Variants in DRAP1 observed in about 807,000 individuals in gnomAD.
DRAP1 encodes dr1-associated corepressor.
DRAP1 carries 10 observed loss-of-function variants against 24.1 expected under a neutral mutation model. The ratio of observed to expected loss-of-function variants is 0.41; its 90% CI spans 0.26 to 0.70. The LOEUF (loss-of-function observed/expected upper bound fraction) is 0.70. Ranked by LOEUF, DRAP1 falls within the 30% of genes least tolerant of loss-of-function variation. The pLI is 0.29. For missense variants in DRAP1, 264 were observed against 275.6 expected (o/e 0.96, Z 0.30); for synonymous variants, 122 against 113.8 (o/e 1.07, Z -0.46).
At position 65,919,863 on chromosome 11, in the gene DRAP1, G is replaced by A. The variant is rs975956187; in HGVS notation, c.115+11G>A. 2 of 1,612,998 alleles carry A rather than the reference G, an allele frequency of 1.2e-6. No individual in the cohort carries two copies. Among genetic ancestry groups the A allele is most frequent in the Non-Finnish European group, 1.7e-6 (2 of 1,179,944 alleles). ...TGCCTGTCATCATCTGTATCCTGCC[G>A]GGGGCGGACCGGGTCGAGGGGCGTG... On this transcript the variant is annotated intron_variant, in intron 2 of 6. Transcript: ENST00000312515.
Position 65,921,439 on chromosome 11 carries a change from C to T in DRAP1, c.*4C>T, listed in dbSNP as rs918175982. ...CGAAGAAGATTACGACTCCTAGCGC[C>T]TTCTGCCCCCCAGACCATAGCCCCT... On this transcript the variant is annotated 3_prime_UTR_variant, in exon 7 of 7. Coordinates refer to ENST00000312515, the MANE Select transcript of DRAP1 (RefSeq NM_006442.4). 1.9e-6 allele frequency: 3 copies of T among 1,557,256 alleles called. No homozygotes were observed. The highest frequency in any genetic ancestry group is 1.8e-6 in the Non-Finnish European group (2 of 1,129,060).
chr11:65,920,590 C>CG lies in DRAP1; in HGVS notation c.353dup (p.Arg119ProfsTer25), dbSNP rs1565298348. The CG allele has an allele frequency of 6.3e-7, 1 of 1,582,130 alleles. No homozygotes were observed. The highest frequency in any genetic ancestry group is 8.6e-7 in the Non-Finnish European group (1 of 1,164,082). ...AAAGGGGCCGGAAGCCAGGCAGCGG[C>CG]GGCCGGAAGAACGGTGGGATGGGAA... is the stretch of plus-strand genomic sequence containing the variant. On this transcript the variant is annotated frameshift_variant, in exon 5 of 7. Transcript: ENST00000312515. LOFTEE classifies it high-confidence loss of function.
rs900723306 is a variant in DRAP1 at position 65,920,163 on chromosome 11, A to G, written c.209+122A>G. 1.5e-5 allele frequency: 21 copies of G among 1,427,476 alleles called. No individual in the cohort carries two copies. In the East Asian group the frequency reaches 4.6e-4, roughly 32 times the overall value. 88.4% of individuals were successfully genotyped at this position (1,427,476 alleles called of 1,614,324 possible). On this transcript the variant is annotated intron_variant, in intron 3 of 6. Coordinates refer to ENST00000312515, the MANE Select transcript of DRAP1 (RefSeq NM_006442.4). ...AGCCGGGACACCAGCAAGGCCACAGACTGGCAGAGGAGAGGCTGGGCTTCC... is the reference window on the plus strand; with the variant it reads ...AGCCGGGACACCAGCAAGGCCACAGGCTGGCAGAGGAGAGGCTGGGCTTCC...
At chr11:65,921,030 C>T in intron 6 of DRAP1, 58 bp downstream of exon 6, 4 of 1,336,658 alleles carry the variant, frequency 3.0e-6, no homozygotes, top group Non-Finnish European at 2.1e-6. Context: ...CAACTTACCC[C>T]TCTTGTTCTC....
intron 5 of DRAP1, 63 bp downstream of exon 5, chr11:65,920,725 C>G: frequency 6.9e-7 from 1 of 1,456,116 alleles, no homozygotes. Flanking sequence ...TCGCCCCAGG[C>G]TGAACTGGCA....
Position 65,919,562 on chromosome 11 carries a change from C to T in DRAP1, c.42+19C>T. The T allele has an allele frequency of 6.5e-7, 1 of 1,548,356 alleles. No individual in the cohort carries two copies. ...CCCGCCGGTGAGCACGTGGCAGAGC[C>T]CGGCAGGAGTGGGCCCGGCTCCCGG... On this transcript the variant is annotated intron_variant, in intron 1 of 6. Transcript: ENST00000312515.
At chr11:65,920,826 C>A in intron 5 of DRAP1, 58 bp from the exon 6 acceptor site, 1 of 1,541,336 alleles carries the variant, frequency 6.5e-7, no homozygotes, top group Non-Finnish European at 8.8e-7. Flanking sequence ...GTCCCTGCCA[C>A]TCCCAGTGAT....
chr11:65,919,654 GCC>G (rs959114306), intron 1 of DRAP1, 111 bp downstream of exon 1: 4 of 1,499,714 alleles, frequency 2.7e-6, no homozygotes, highest in Non-Finnish European at 3.6e-6. Flanking sequence ...TGGACGCCCC[GCC>G]CCCTCCATGC....
At position 65,919,942 on chromosome 11, in the gene DRAP1, C is replaced by T. The variant is rs767699448; in HGVS notation, c.116-6C>T. The T allele has an allele frequency of 5.0e-6, 8 of 1,613,766 alleles. No individual in the cohort carries two copies. The highest frequency in any genetic ancestry group is 3.3e-5 in the South Asian group (3 of 91,078). On this transcript the variant is annotated splice_region_variant and splice_polypyrimidine_tract_variant and intron_variant, in intron 2 of 6. Transcript: ENST00000312515. ...CTGCCCCGGAGTTCTCCTTGACGCT[C>T]CTCAGCCCGGGCGCTCGAGCTCTTC...
At chr11:65,920,168 C>A in intron 3 of DRAP1, 127 bp downstream of exon 3, 2 of 1,420,488 alleles carry the variant, frequency 1.4e-6, no homozygotes, top group Non-Finnish European at 1.9e-6. Context: ...CACAGACTGG[C>A]AGAGGAGAGG....
At position 65,920,572 on chromosome 11, in the gene DRAP1, C is replaced by T. The variant is rs1854535965; in HGVS notation, c.333C>T (p.Gly111=). 6.3e-7 allele frequency: 1 copy of T among 1,595,580 alleles called. No homozygotes were observed. The highest frequency in any genetic ancestry group is 1.1e-5 in the South Asian group (1 of 88,924). ...GATGGACTGTACCTTCCCAAAGGGG[C>T]CGGAAGCCAGGCAGCGGCGGCCGGA... ...HMDGDKGARR[G]RKPGSGGRKN... The change falls in exon 5 of 7, where the codon GGC becomes GGT. Residue 111 remains glycine, a synonymous_variant. Transcript: ENST00000312515.
At chr11:65,919,721 C>G in intron 1 of DRAP1, 59 bp from the exon 2 acceptor site, 8 of 1,606,556 alleles carry the variant, frequency 5.0e-6, no homozygotes, top group Admixed American at 1.7e-5. Context: ...CCTTCCTCCC[C>G]CAGCACCCCC....
chr11:65,921,093 T>G, intron 6 of DRAP1, 121 bp downstream of exon 6: 1 of 779,968 alleles, frequency 1.3e-6, no homozygotes, highest in Non-Finnish European at 2.0e-6. Flanking sequence ...GGAAGGAGAA[T>G]AACTGAGGAG....
chr11:65,919,920 C>A, intron 2 of DRAP1, 28 bp from the exon 3 acceptor site: 1 of 1,613,636 alleles, frequency 6.2e-7, no homozygotes. Flanking sequence ...CCCTCTCCTG[C>A]CCCGGAGTTC....
At position 65,921,452 on chromosome 11, in the gene DRAP1, G is replaced by A; in HGVS notation, c.*17G>A. 1 of 1,382,634 alleles carries A rather than the reference G, an allele frequency of 7.2e-7. No individual in the cohort carries two copies. The highest frequency in any genetic ancestry group is 1.0e-6 in the Non-Finnish European group (1 of 971,210). The allele number at this position is 1,382,634 out of a possible 1,614,324, so 85.6% of individuals were successfully genotyped here. A position where few individuals can be genotyped will look rare whatever the true frequency, so the allele number is the denominator to read the frequency against. The stretch of plus-strand genomic sequence containing the variant: ...GACTCCTAGCGCCTTCTGCCCCCCA[G>A]ACCATAGCCCCTTTTAGTTGGTTTT... On this transcript the variant is annotated 3_prime_UTR_variant, in exon 7 of 7. Transcript: ENST00000312515.
chr11:65,920,079 G>A (rs1854529054), intron 3 of DRAP1, 38 bp downstream of exon 3: 1 of 1,601,568 alleles, frequency 6.2e-7, no homozygotes, highest in Non-Finnish European at 8.5e-7. Context: ...GGCGGGTTTG[G>A]CGCGGGGAGT....
rs768415811 is a variant in DRAP1, at chr11:65,921,022, A to G, written c.512+50A>G. Reference sequence around the variant, plus strand: ...GGTGCTGGCAGACTCCCCAGAGCCAACTTACCCCTCTTGTTCTCCCTGGCC... The same window carrying G: ...GGTGCTGGCAGACTCCCCAGAGCCAGCTTACCCCTCTTGTTCTCCCTGGCC... On this transcript the variant is annotated intron_variant, in intron 6 of 6. Transcript: ENST00000312515. 7.1e-6 allele frequency: 10 copies of G among 1,415,872 alleles called. No homozygotes were observed. The Admixed American group carries it at 8.8e-5, about 13-fold the overall frequency. 87.7% of individuals were successfully genotyped at this position (1,415,872 alleles called of 1,614,324 possible). A position where few individuals can be genotyped will look rare whatever the true frequency, so the allele number is the denominator to read the frequency against.
At chr11:65,921,012 C>A in intron 6 of DRAP1, 40 bp downstream of exon 6, 1 of 1,499,726 alleles carries the variant, frequency 6.7e-7, no homozygotes, top group East Asian at 2.3e-5. Context: ...TGGCAGACTC[C>A]CCAGAGCCAA....
chr11:65,921,462 C>G lies in DRAP1; in HGVS notation c.*27C>G. 9.6e-6 allele frequency: 12 copies of G among 1,256,494 alleles called. No homozygotes were observed. Among genetic ancestry groups the G allele is most frequent in the Non-Finnish European group, 1.4e-5 (12 of 863,472 alleles). 77.8% of individuals were successfully genotyped at this position (1,256,494 alleles called of 1,614,324 possible). A position where few individuals can be genotyped will look rare whatever the true frequency, so the allele number is the denominator to read the frequency against. On this transcript the variant is annotated 3_prime_UTR_variant, in exon 7 of 7. Transcript: ENST00000312515. ...GCCTTCTGCCCCCCAGACCATAGCC[C>G]CTTTTAGTTGGTTTTAGTTGCTCTG...
Sources: gnomAD v4.1 joint callset for allele counts on GRCh38, gnomAD v4.1.1 for gene constraint, MANE v1.5 for transcripts, NCBI Gene and HGNC (gene_info 2026-07-23, HGNC 2026-07-21) for gene names.